Variants in OPCML observed in about 807,000 individuals in gnomAD.
OPCML encodes the protein opioid binding protein/cell adhesion molecule like.
In OPCML, 13 loss-of-function variants were observed where a neutral mutation model predicts 37.8. The ratio of observed to expected loss-of-function variants is 0.34; its 90% CI spans 0.22 to 0.55. OPCML has a LOEUF of 0.55. Among genes scored for constraint, OPCML ranks in the 20% least tolerant of loss-of-function variants. The pLI is 0.91. For synonymous variants in OPCML, 176 were observed against 168.8 expected, an observed-to-expected ratio of 1.04 and a Z score of -0.33; for missense variants, 341 against 435.6, an observed-to-expected ratio of 0.78 and a Z score of 1.93.
At chr11:133,303,252 AG>A (rs1176372112) in intron 1 of OPCML, among the ~76,000 whole-genome samples, 1 of 152,210 alleles carries the variant, frequency 6.6e-6, no homozygotes, top group Non-Finnish European at 1.5e-5. Flanking sequence ...ATTAAGACAC[AG>A]AAATGGAGGT....
chr11:133,523,134 T>C lies in OPCML; in HGVS notation c.61+9130A>G, dbSNP rs191106157. On this transcript the variant is annotated intron_variant, in intron 1 of 7. Transcript: ENST00000524381. ...GGCTTTTTGTAATATTTTTGAAGGG[T>C]AGAGAAACCGAGTTATTCAATTTTA... 7.9e-5 allele frequency among the ~76,000 whole-genome samples: 12 copies of C among 152,144 alleles called. No homozygotes were observed. In the East Asian group the frequency reaches 1.4e-3, roughly 17 times the overall value.
intron 4 of OPCML, among the ~76,000 whole-genome samples, chr11:132,522,593 G>C (rs1255763138): frequency 6.6e-6 from 1 of 152,172 alleles, no homozygotes; most frequent in Non-Finnish European, 1.5e-5. Flanking sequence ...ACTATTACCT[G>C]CTTTCCATTC....
intron 3 of OPCML, among the ~76,000 whole-genome samples, chr11:132,578,518 C>T (rs2137613901): frequency 6.6e-6 from 1 of 152,276 alleles, no homozygotes. Flanking sequence ...CTTTTGTCCA[C>T]AACTTGTACT....
At chr11:132,834,988 TAA>T (rs11300115) in intron 2 of OPCML, among the ~76,000 whole-genome samples, 296 of 142,898 alleles carry the variant, frequency 2.1e-3, no homozygotes, top group African/African-American at 3.7e-3. Flanking sequence ...TGGCACTTTG[TAA>T]AAAAAAAAAA....
chr11:133,127,925 G>A (rs897001404), intron 1 of OPCML, among the ~76,000 whole-genome samples: 8 of 152,062 alleles, frequency 5.3e-5, no homozygotes, highest in African/African-American at 9.6e-5. Flanking sequence ...AGCAGAAGAC[G>A]GGATGATTAT....
intron 1 of OPCML, among the ~76,000 whole-genome samples, chr11:133,392,260 A>G (rs1236661552): frequency 6.6e-6 from 1 of 152,172 alleles, no homozygotes; most frequent in Non-Finnish European, 1.5e-5. Context: ...AGGTTAAGGT[A>G]TTTATATAAG....
At chr11:133,079,011 C>T (rs1245390263) in intron 1 of OPCML, among the ~76,000 whole-genome samples, 3 of 152,064 alleles carry the variant, frequency 2.0e-5, no homozygotes, top group Non-Finnish European at 4.4e-5. Flanking sequence ...CACGTTAGTT[C>T]TCCCTCTTGT....
At chr11:132,819,887 T>A (rs1314336065) in intron 2 of OPCML, among the ~76,000 whole-genome samples, 1 of 152,170 alleles carries the variant, frequency 6.6e-6, no homozygotes, top group African/African-American at 2.4e-5. Context: ...TTTGTGATGC[T>A]CTAGAGTCAG....
At chr11:132,613,549 A>C (rs1360481785) in intron 3 of OPCML, among the ~76,000 whole-genome samples, 1 of 152,202 alleles carries the variant, frequency 6.6e-6, no homozygotes, top group African/African-American at 2.4e-5. Context: ...GAAACACTTC[A>C]AAGAAAACCG....
chr11:132,674,377 T>C (rs1383200110), intron 2 of OPCML, among the ~76,000 whole-genome samples: 2 of 152,292 alleles, frequency 1.3e-5, no homozygotes, highest in South Asian at 2.1e-4. Context: ...GCTCAACAGA[T>C]GGCAGGAGAG....
At chr11:132,461,872 C>A (rs1160221224) in intron 4 of OPCML, among the ~76,000 whole-genome samples, 1 of 152,136 alleles carries the variant, frequency 6.6e-6, no homozygotes, top group African/African-American at 2.4e-5. Context: ...CCTGAGAATT[C>A]ACTCACTATC....
intron 4 of OPCML, among the ~76,000 whole-genome samples, chr11:132,509,984 T>C (rs2096792): frequency 0.2 from 30,333 of 152,008 alleles, 3,076 homozygotes; most frequent in Non-Finnish European, 0.22. Flanking sequence ...CAATGCCTGC[T>C]CGTGAAAGCA....
intron 2 of OPCML, among the ~76,000 whole-genome samples, chr11:132,789,051 C>CAACA: frequency 7.1e-6 from 1 of 140,068 alleles, no homozygotes; most frequent in Non-Finnish European, 1.7e-5. Context: ...TACGTGCACC[C>CAACA]GACAAACATT....
intron 2 of OPCML, among the ~76,000 whole-genome samples, chr11:132,865,762 G>T (rs1942517799): frequency 6.6e-6 from 1 of 152,154 alleles, no homozygotes; most frequent in African/African-American, 2.4e-5. Context: ...CTATATATGA[G>T]TGATTATAGC....
intron 1 of OPCML, among the ~76,000 whole-genome samples, chr11:133,098,844 T>C (rs1949043524): frequency 6.6e-6 from 1 of 152,072 alleles, no homozygotes; most frequent in African/African-American, 2.4e-5. Flanking sequence ...TAAAAGAAAA[T>C]ATAATGCATA....
chr11:132,779,954 T>C (rs1247340545), intron 2 of OPCML, among the ~76,000 whole-genome samples: 1 of 152,210 alleles, frequency 6.6e-6, no homozygotes, highest in Non-Finnish European at 1.5e-5. Context: ...TATTTTTTTG[T>C]TGTTGTTGTT....
chr11:133,090,982 T>C (rs945939956), intron 1 of OPCML, among the ~76,000 whole-genome samples: 11 of 152,072 alleles, frequency 7.2e-5, no homozygotes, highest in Non-Finnish European at 1.3e-4. Context: ...TTTCCTAGAG[T>C]GCTAAGGCCT....
intron 2 of OPCML, among the ~76,000 whole-genome samples, chr11:132,907,727 G>A (rs994660047): frequency 3.3e-5 from 5 of 152,176 alleles, no homozygotes; most frequent in East Asian, 3.9e-4. Flanking sequence ...TACCCTGACT[G>A]CTCTCTAAGT....
intron 1 of OPCML, among the ~76,000 whole-genome samples, chr11:133,169,898 G>A (rs1038134640): frequency 6.6e-5 from 10 of 152,120 alleles, no homozygotes; most frequent in Admixed American, 3.9e-4. Context: ...AATAATATGA[G>A]CACCAAAAAT....
Sources: allele counts gnomAD v4.1 joint callset (sites outside exome capture counted in the v4.1 genomes callset), GRCh38; gene constraint gnomAD v4.1.1; transcripts MANE v1.5; gene names NCBI Gene and HGNC (gene_info 2026-07-23, HGNC 2026-07-21).